The following CD59 variants were observed in gnomAD, a reference collection of about 807,000 sequenced individuals.
CD59 encodes CD59 molecule (CD59 blood group).
A neutral mutation model predicts 7.0 loss-of-function variants in CD59; 3 were observed. That is an observed-to-expected ratio of 0.43 (90% CI 0.19 to 1.10). The LOEUF is 1.10. CD59 is among the 50% of genes least tolerant of loss of function. The pLI is 0.29. For synonymous variants in CD59, 60 were observed against 62.0 expected, an observed-to-expected ratio of 0.97 and a Z score of 0.15; for missense variants, 143 against 151.0, an observed-to-expected ratio of 0.95 and a Z score of 0.28.
In CD59 at chr11:33,722,596, C is replaced by T. The variant is rs912782302; in HGVS notation, c.-18-133G>A. On this transcript the variant is annotated intron_variant, in intron 1 of 3. Transcript: ENST00000642928. ...AGGGGGAGTCAAGGCACACTGAATC[C>T]CTGGGCCATGCCCCAGCTCTGACCC... The T allele has an allele frequency of 1.2e-5, 19 of 1,521,932 alleles. No individual in the cohort carries two copies. In the South Asian group the frequency reaches 2.3e-4, roughly 18 times the overall value. The allele number at this position is 1,521,932 out of a possible 1,614,324, so 94.3% of individuals were successfully genotyped here.
chr11:33,735,254 G>A (rs943870043), intron 1 of CD59, among the ~76,000 whole-genome samples: 5 of 152,198 alleles, frequency 3.3e-5, no homozygotes, highest in South Asian at 4.1e-4. Flanking sequence ...ATTAGCAGCC[G>A]CCGCGTTTGT....
chr11:33,710,913 C>A (rs1445441638), intron 3 of CD59, among the ~76,000 whole-genome samples: 3 of 151,624 alleles, frequency 2.0e-5, no homozygotes, highest in Non-Finnish European at 4.4e-5. Flanking sequence ...CTGAAAAACC[C>A]AGTCCATTAA....
chr11:33,711,693 C>T (rs1853568017), intron 3 of CD59, among the ~76,000 whole-genome samples: 1 of 151,840 alleles, frequency 6.6e-6, no homozygotes, highest in Non-Finnish European at 1.5e-5. Context: ...AAAAAATGGG[C>T]AAAGGATTTG....
rs1364021044 is a variant in CD59, at chr11:33,705,954, T to G, written c.*4172A>C. ...GCACCAGCACTGATCATATATAGGA[T>G]CAGCCTACTGGGGTTGGCCACGTTG... On this transcript the variant is annotated 3_prime_UTR_variant, in exon 4 of 4. Coordinates refer to ENST00000642928, the MANE Select transcript of CD59 (RefSeq NM_000611.6). 2.6e-5 allele frequency: 4 copies of G among 152,126 alleles called. No homozygotes were observed. The highest frequency in any genetic ancestry group is 5.9e-5 in the Non-Finnish European group (4 of 68,044). The allele number at this position is 152,126 out of a possible 1,614,324, so 9.4% of individuals were successfully genotyped here. A position where few individuals can be genotyped will look rare whatever the true frequency, so the allele number is the denominator to read the frequency against.
intron 3 of CD59, among the ~76,000 whole-genome samples, chr11:33,713,416 G>C (rs1449719781): frequency 1.3e-5 from 2 of 152,208 alleles, no homozygotes; most frequent in Non-Finnish European, 2.9e-5. Flanking sequence ...ACACTTCTCA[G>C]TTTATAACTG....
intron 1 of CD59, among the ~76,000 whole-genome samples, chr11:33,725,604 G>C (rs1854232908): frequency 6.6e-6 from 1 of 152,160 alleles, no homozygotes; most frequent in Admixed American, 6.5e-5. Context: ...GGCTTTCCTG[G>C]GTGGTGCGTA....
intron 3 of CD59, among the ~76,000 whole-genome samples, chr11:33,716,040 C>T (rs530865380): frequency 1.3e-5 from 2 of 152,272 alleles, no homozygotes; most frequent in East Asian, 1.9e-4. Context: ...ACATAATGAC[C>T]ATGTTCTCGC....
chr11:33,734,947 C>T (rs1854522344), intron 1 of CD59, among the ~76,000 whole-genome samples: 1 of 152,234 alleles, frequency 6.6e-6, no homozygotes, highest in Admixed American at 6.5e-5. Context: ...AGGCTTTTAT[C>T]TCCTAAGCCA....
At chr11:33,722,206 G>A (rs763163046) in intron 2 of CD59, among the ~76,000 whole-genome samples, 173 bp downstream of exon 2, 1 of 152,182 alleles carries the variant, frequency 6.6e-6, no homozygotes, top group South Asian at 2.1e-4. Flanking sequence ...GCCCCACTGA[G>A]GACAAGGTCA....
rs921423480 is a variant in CD59 at position 33,707,894 on chromosome 11, T to C, written c.*2232A>G. 3 of 152,212 alleles carry C rather than the reference T, an allele frequency of 2.0e-5. No individual in the cohort carries two copies. Among genetic ancestry groups the C allele is most frequent in the African/African-American group, 7.2e-5 (3 of 41,458 alleles). 9.4% of individuals were successfully genotyped at this position (152,212 alleles called of 1,614,324 possible). A position where few individuals can be genotyped will look rare whatever the true frequency, so the allele number is the denominator to read the frequency against. ...AGCTTGCCAAGGACAGGACTGATTC[T>C]TCCTCCAGCCTCACCTATCGGGGCA... On this transcript the variant is annotated 3_prime_UTR_variant, in exon 4 of 4. Coordinates refer to ENST00000642928, the MANE Select transcript of CD59 (RefSeq NM_000611.6).
At chr11:33,718,723 T>C (rs1415275352) in intron 2 of CD59, 1 of 152,212 alleles carries the variant, frequency 6.6e-6, no homozygotes, top group Non-Finnish European at 1.5e-5. Context: ...TTCCCTAGTT[T>C]GAAAAACAAT....
rs1179639242 is a variant in CD59, at chr11:33,736,153, C to G, written c.-19+229G>C. On this transcript the variant is annotated intron_variant, in intron 1 of 3. Transcript: ENST00000642928. The surrounding 1 kb of genome is among the most constrained non-coding windows in gnomAD (Gnocchi z 4.4). ...ACGGGGCTGCTTCTGGGAGAGGGCG[C>G]GCTCCCCGTTTCTCCTTCCTCGTAG... 6.6e-6 allele frequency among the ~76,000 whole-genome samples: 1 copy of G among 152,058 alleles called. No individual in the cohort carries two copies. The highest frequency in any genetic ancestry group is 1.5e-5 in the Non-Finnish European group (1 of 68,004).
chr11:33,726,949 A>G (rs999539816), intron 1 of CD59, among the ~76,000 whole-genome samples: 3 of 152,226 alleles, frequency 2.0e-5, no homozygotes, highest in Admixed American at 2.0e-4. Context: ...TCCTGGGCAC[A>G]TACACCCTCC....
chr11:33,732,892 T>G (rs531535432), intron 1 of CD59, among the ~76,000 whole-genome samples: 1 of 152,240 alleles, frequency 6.6e-6, no homozygotes, highest in African/African-American at 2.4e-5. Context: ...GGAGATTATT[T>G]TGGATTATTC....
chr11:33,728,182 T>A (rs891105713), intron 1 of CD59, among the ~76,000 whole-genome samples: 5 of 152,188 alleles, frequency 3.3e-5, no homozygotes, highest in African/African-American at 1.2e-4. Context: ...TTAAATTTCA[T>A]ATGGAACCAA....
chr11:33,716,809 C>T (rs549570575), intron 3 of CD59, among the ~76,000 whole-genome samples: 45 of 152,306 alleles, frequency 3.0e-4, no homozygotes, highest in African/African-American at 1.1e-3. Context: ...ACACCCTTCC[C>T]TTCTTAGCCC....
chr11:33,714,874 C>G (rs977512606), intron 3 of CD59, among the ~76,000 whole-genome samples: 4 of 151,782 alleles, frequency 2.6e-5, no homozygotes, highest in African/African-American at 9.7e-5. Flanking sequence ...TGGGGCTGTC[C>G]TGTCCTAGGA....
At position 33,708,202 on chromosome 11, in the gene CD59, T is replaced by C. The variant is rs1404359001; in HGVS notation, c.*1924A>G. ...CTATGGCATGAGTCACAGCAACTTT[T>C]TGCAGAAAGCAACCCCAAAGTTTAA... On this transcript the variant is annotated 3_prime_UTR_variant, in exon 4 of 4. Coordinates refer to ENST00000642928, the MANE Select transcript of CD59 (RefSeq NM_000611.6). 3 of 152,204 alleles carry C rather than the reference T, an allele frequency of 2.0e-5. No homozygotes were observed. Among genetic ancestry groups the C allele is most frequent in the African/African-American group, 7.2e-5 (3 of 41,446 alleles). 9.4% of individuals were successfully genotyped at this position (152,204 alleles called of 1,614,324 possible). A position where few individuals can be genotyped will look rare whatever the true frequency, so the allele number is the denominator to read the frequency against.
chr11:33,709,520 A>G lies in CD59; in HGVS notation c.*606T>C, dbSNP rs1853448862. The G allele has an allele frequency of 6.3e-6, 1 of 159,990 alleles. No homozygotes were observed. Among genetic ancestry groups the G allele is most frequent in the Non-Finnish European group, 1.4e-5 (1 of 72,106 alleles). The allele number at this position is 159,990 out of a possible 1,614,324, so 9.9% of individuals were successfully genotyped here. On this transcript the variant is annotated 3_prime_UTR_variant, in exon 4 of 4. Coordinates refer to ENST00000642928, the MANE Select transcript of CD59 (RefSeq NM_000611.6). Reference sequence around the variant, plus strand: ...CATATAAAATTTAAAGACAGAGGAAAAACTCGATTTTCAGCCACTTGTACC... The same window carrying G: ...CATATAAAATTTAAAGACAGAGGAAGAACTCGATTTTCAGCCACTTGTACC...
Sources: gnomAD v4.1 joint callset for allele counts (sites outside exome capture counted in the v4.1 genomes callset) on GRCh38, gnomAD v4.1.1 for gene constraint, Gnocchi (gnomAD v3.1) non-coding constraint, MANE v1.5 for transcripts, NCBI Gene and HGNC (gene_info 2026-07-23, HGNC 2026-07-21) for gene names.